The following DCC variants were observed in gnomAD, a reference collection of about 807,000 sequenced individuals.
DCC encodes the protein DCC netrin 1 receptor, also known as netrin receptor DCC.
Under a neutral mutation model 172.5 loss-of-function variants are expected in DCC, and 58 were observed. The observed-to-expected ratio is 0.34, with a 90% CI of 0.27 to 0.42. The LOEUF is 0.42. Among genes scored for constraint, DCC ranks in the 10% least tolerant of loss-of-function variants. DCC has a pLI of 1.00. For missense variants in DCC, 1,740 were observed against 1,791.0 expected (o/e 0.97, Z 0.51); for synonymous variants, 709 against 644.5 (o/e 1.10, Z -1.52).
At chr18:52,541,875 G>GTATATATATATATATACA (rs2032462313) in intron 1 of DCC, among the ~76,000 whole-genome samples, 1 of 115,202 alleles carries the variant, frequency 8.7e-6, no homozygotes, top group Non-Finnish European at 1.8e-5. Context: ...GTGTGTGTGT[G>GTATATATATATATATACA]TATATATATA....
At chr18:53,504,970 T>G (rs2046153347) in intron 27 of DCC, among the ~76,000 whole-genome samples, 1 of 152,172 alleles carries the variant, frequency 6.6e-6, no homozygotes, top group African/African-American at 2.4e-5. Flanking sequence ...ATACAGGATT[T>G]TACCTAGCTT....
rs71173391 is a variant in DCC, at chr18:52,357,936, T to TC, written c.91+17058_91+17059insC. ...CTGGGCGACAGAGCGAGACTCTGTG[T>TC]AAAAAAAAAAAAAAAAAAAATCTGA... On this transcript the variant is annotated intron_variant, in intron 1 of 28. Transcript: ENST00000442544. 5.3e-4 allele frequency among the ~76,000 whole-genome samples: 66 copies of TC among 123,410 alleles called. 4 individuals are homozygous for TC. Among genetic ancestry groups the TC allele is most frequent in the Non-Finnish European group, 6.3e-4 (37 of 58,496 alleles). The allele number at this position is 123,410 out of a possible 152,430, so 81.0% of individuals were successfully genotyped here.
intron 1 of DCC, among the ~76,000 whole-genome samples, chr18:52,480,214 AAAAC>A (rs147137133): frequency 0.019 from 2,846 of 152,178 alleles, 91 homozygotes; most frequent in African/African-American, 0.064. Context: ...CCAGAAAGAA[AAAAC>A]AAACAAACTG....
chr18:52,638,329 G>T (rs530331103), intron 1 of DCC, among the ~76,000 whole-genome samples: 33 of 152,116 alleles, frequency 2.2e-4, no homozygotes, highest in African/African-American at 7.9e-4. Context: ...GAATGCAATG[G>T]TACCTCACAT....
intron 5 of DCC, among the ~76,000 whole-genome samples, chr18:53,014,127 A>T (rs72932044): frequency 4.6e-5 from 7 of 152,182 alleles, no homozygotes; most frequent in Non-Finnish European, 8.8e-5. Context: ...TCTGATCGTA[A>T]TGATCATATG....
chr18:53,096,597 G>T (rs1419710244), intron 7 of DCC, among the ~76,000 whole-genome samples: 1 of 152,020 alleles, frequency 6.6e-6, no homozygotes, highest in Non-Finnish European at 1.5e-5. Context: ...GAAAAATAAG[G>T]CAATTAAAGA....
chr18:53,005,915 T>C (rs2041637856), intron 5 of DCC, among the ~76,000 whole-genome samples: 2 of 152,180 alleles, frequency 1.3e-5, no homozygotes. Flanking sequence ...ACCTACAATG[T>C]TGGAACATGG....
At chr18:52,636,071 C>T (rs1156641971) in intron 1 of DCC, among the ~76,000 whole-genome samples, 2 of 152,152 alleles carry the variant, frequency 1.3e-5, no homozygotes, top group African/African-American at 4.8e-5. Flanking sequence ...TGAACACACC[C>T]CCCTAACTGG....
At chr18:52,840,224 G>A (rs1260197521) in intron 2 of DCC, among the ~76,000 whole-genome samples, 1 of 152,146 alleles carries the variant, frequency 6.6e-6, no homozygotes, top group Non-Finnish European at 1.5e-5. Context: ...AAGCTTTCTT[G>A]CATTCCAATC....
chr18:53,012,156 T>C (rs1334513502), intron 5 of DCC, among the ~76,000 whole-genome samples: 2 of 151,970 alleles, frequency 1.3e-5, no homozygotes, highest in Non-Finnish European at 2.9e-5. Flanking sequence ...AATATATGTC[T>C]TCCTTATAAA....
At chr18:52,477,690 C>T (rs571746549) in intron 1 of DCC, among the ~76,000 whole-genome samples, 46 of 152,302 alleles carry the variant, frequency 3.0e-4, no homozygotes, top group Admixed American at 6.5e-4. Context: ...CTGCAAGGGC[C>T]TAACCTTCAC....
chr18:52,835,516 C>G (rs1469710778), intron 2 of DCC, among the ~76,000 whole-genome samples: 1 of 152,120 alleles, frequency 6.6e-6, no homozygotes. Context: ...TTTCAGGAGA[C>G]AGATTTTGTT....
At chr18:52,588,622 T>C (rs1299610892) in intron 1 of DCC, among the ~76,000 whole-genome samples, 1 of 152,130 alleles carries the variant, frequency 6.6e-6, no homozygotes, top group African/African-American at 2.4e-5. Context: ...GAACCAAACT[T>C]TTCTGAGGGT....
chr18:53,330,854 A>G (rs1278494029), intron 14 of DCC, among the ~76,000 whole-genome samples: 3 of 152,176 alleles, frequency 2.0e-5, no homozygotes, highest in Non-Finnish European at 4.4e-5. Context: ...CTCTAAACAC[A>G]TTTTGACACT....
intron 2 of DCC, among the ~76,000 whole-genome samples, chr18:52,890,655 G>A (rs2039634972): frequency 6.6e-6 from 1 of 152,044 alleles, no homozygotes; most frequent in Non-Finnish European, 1.5e-5. Context: ...TTAATAGATA[G>A]TTCTATATCT....
At chr18:53,316,368 G>A (rs1261965131) in intron 13 of DCC, among the ~76,000 whole-genome samples, 2 of 152,096 alleles carry the variant, frequency 1.3e-5, no homozygotes, top group Non-Finnish European at 2.9e-5. Context: ...TTATAGTATA[G>A]ATTGAAGTCA....
chr18:52,983,972 G>C (rs1485078016), intron 5 of DCC, among the ~76,000 whole-genome samples: 2 of 151,998 alleles, frequency 1.3e-5, no homozygotes, highest in African/African-American at 4.8e-5. Flanking sequence ...GATTTTTCCA[G>C]TCAAAATGTT....
chr18:52,435,465 G>A (rs1318672912), intron 1 of DCC, among the ~76,000 whole-genome samples: 2 of 152,068 alleles, frequency 1.3e-5, no homozygotes, highest in African/African-American at 4.8e-5. Flanking sequence ...CAGAGCCTCG[G>A]GTGGATGGGA....
intron 2 of DCC, among the ~76,000 whole-genome samples, chr18:52,784,837 T>C (rs1240119916): frequency 6.7e-6 from 1 of 150,118 alleles, no homozygotes; most frequent in Non-Finnish European, 1.5e-5. Flanking sequence ...CAGACACATG[T>C]GAGTGGGTTA....
Sources: allele counts gnomAD v4.1 joint callset (sites outside exome capture counted in the v4.1 genomes callset), GRCh38; gene constraint gnomAD v4.1.1; transcripts MANE v1.5; gene names NCBI Gene and HGNC (gene_info 2026-07-23, HGNC 2026-07-21).